The following KRTAP10-7 variants were observed in gnomAD, a reference collection of about 807,000 sequenced individuals.
KRTAP10-7 encodes the protein keratin associated protein 10-7, also known as keratin-associated protein 10-7.
For synonymous variants in KRTAP10-7, 162 were observed against 199.6 expected (o/e 0.81, Z 1.59); for missense variants, 394 against 474.3 (o/e 0.83, Z 1.57).
chr21:44,600,734 C>G lies in KRTAP10-7; in HGVS notation c.113C>G (p.Pro38Arg). Residue 38 changes from proline to arginine, a missense_variant, in exon 1 of 1, where the codon CCA (proline) becomes CGA (arginine). Transcript: ENST00000609664. Reference sequence around the variant, plus strand: ...GACTCCTGGCAGGTGGACGACTGCCCAGAGAGCTGCTGCGAGCCCCCCTGC... The same window carrying G: ...GACTCCTGGCAGGTGGACGACTGCCGAGAGAGCTGCTGCGAGCCCCCCTGC... The part of the protein sequence containing the change: ...CSDSWQVDDC[P>R]ESCCEPPCCA... 2 of 1,611,842 alleles carry G rather than the reference C, an allele frequency of 1.2e-6. No individual in the cohort carries two copies. Among genetic ancestry groups the G allele is most frequent in the African/African-American group, 1.4e-5 (1 of 73,510 alleles).
rs1270588448 is a variant in KRTAP10-7, at chr21:44,601,833, C to G, written c.*99C>G. The G allele has an allele frequency of 2.8e-5, 42 of 1,476,130 alleles. No homozygotes were observed. The highest frequency in any genetic ancestry group is 3.8e-5 in the Non-Finnish European group (42 of 1,100,748). 91.4% of individuals were successfully genotyped at this position (1,476,130 alleles called of 1,614,324 possible). A position where few individuals can be genotyped will look rare whatever the true frequency, so the allele number is the denominator to read the frequency against. ...GCTCTCCACATCCCGCTCCTAAGCC[C>G]TGCAGTGGACGTCAGTGGTCAGCTG... On this transcript the variant is annotated 3_prime_UTR_variant, in exon 1 of 1. Coordinates refer to ENST00000609664, the MANE Select transcript of KRTAP10-7 (RefSeq NM_198689.3).
rs1980929362 is a variant in KRTAP10-7 at position 44,601,652 on chromosome 21, C to T, written c.1031C>T (p.Ser344Phe). ...SCQASCCRPA[S>F]CVSLLCRPAC... Reference sequence around the variant, plus strand: ...CAGGCCAGCTGCTGCCGCCCAGCCTCCTGTGTGTCTCTCCTTTGCCGCCCC... The same window carrying T: ...CAGGCCAGCTGCTGCCGCCCAGCCTTCTGTGTGTCTCTCCTTTGCCGCCCC... The change falls in exon 1 of 1, where the codon TCC becomes TTC. Residue 344 changes from serine (S) to phenylalanine (F), a missense_variant. Physicochemically the swap from Ser to Phe is radical, Grantham distance 155. Coordinates refer to ENST00000609664, the MANE Select transcript of KRTAP10-7 (RefSeq NM_198689.3). The T allele has an allele frequency of 6.2e-7, 1 of 1,613,354 alleles. No individual in the cohort carries two copies. Among genetic ancestry groups the T allele is most frequent in the African/African-American group, 1.3e-5 (1 of 74,876 alleles).
At position 44,600,638 on chromosome 21, in the gene KRTAP10-7, T is replaced by G; in HGVS notation, c.17T>G (p.Met6Arg). 3.1e-6 allele frequency: 5 copies of G among 1,613,576 alleles called. No individual in the cohort carries two copies. Among genetic ancestry groups the G allele is most frequent in the Non-Finnish European group, 4.2e-6 (5 of 1,179,756 alleles). Residue 6 changes from methionine (M) to arginine (R), a missense_variant, in exon 1 of 1, where the codon ATG (methionine) becomes AGG (arginine). Coordinates refer to ENST00000609664, the MANE Select transcript of KRTAP10-7 (RefSeq NM_198689.3). MAAST[M>R]SVCSSDLSYG... ...ATCCCCAGCATGGCTGCGTCCACTA[T>G]GTCTGTCTGCTCCAGCGACCTGAGC... is the stretch of plus-strand genomic sequence containing the variant.
Position 44,601,608 on chromosome 21 carries a change from C to G in KRTAP10-7, c.987C>G (p.Cys329Trp). ...PACCVPVPSC[C>W]APTSSCQASC... ...GCTGCGTGCCCGTCCCCTCCTGCTG[C>G]GCCCCCACCTCCTCCTGCCAGGCCA... The change falls in exon 1 of 1, where the codon TGC becomes TGG. Residue 329 changes from cysteine (C) to tryptophan (W), a missense_variant. Coordinates refer to ENST00000609664, the MANE Select transcript of KRTAP10-7 (RefSeq NM_198689.3). 1.9e-6 allele frequency: 3 copies of G among 1,613,532 alleles called. No homozygotes were observed. The highest frequency in any genetic ancestry group is 2.5e-6 in the Non-Finnish European group (3 of 1,179,728).
At position 44,601,635 on chromosome 21, in the gene KRTAP10-7, C is replaced by G. The variant is rs782333684; in HGVS notation, c.1014C>G (p.Ser338Arg). The G allele has an allele frequency of 6.2e-7, 1 of 1,613,622 alleles. No homozygotes were observed. Among genetic ancestry groups the G allele is most frequent in the Non-Finnish European group, 8.5e-7 (1 of 1,179,732 alleles). The change falls in exon 1 of 1, where the codon AGC becomes AGG. Residue 338 changes from serine (S) to arginine (R), a missense_variant. Coordinates refer to ENST00000609664, the MANE Select transcript of KRTAP10-7 (RefSeq NM_198689.3). ...CCCCCACCTCCTCCTGCCAGGCCAG[C>G]TGCTGCCGCCCAGCCTCCTGTGTGT... ...CCAPTSSCQASCCRPASCVSL... is the reference protein window; with the variant it reads ...CCAPTSSCQARCCRPASCVSL...
Position 44,601,167 on chromosome 21 carries a change from G to A in KRTAP10-7, c.546G>A (p.Val182=), listed in dbSNP as rs1555928633. ...AGCAGTCTAGCTGTGTGAGCTGTGT[G>A]TCCAGTCCCTGCTGCCAGGCGGTCT... ...CCQQSSCVSC[V]SSPCCQAVCE... is the part of the protein sequence containing the mutation. Residue 182 remains valine, a synonymous_variant, in exon 1 of 1, where the codon GTG becomes GTA. Transcript: ENST00000609664. The A allele has an allele frequency of 6.3e-7, 1 of 1,599,416 alleles. No homozygotes were observed. The highest frequency in any genetic ancestry group is 1.1e-5 in the South Asian group (1 of 90,192).
In KRTAP10-7 at chr21:44,600,667, G is replaced by A. The variant is rs200384147; in HGVS notation, c.46G>A (p.Gly16Ser). Reference protein sequence around the residue: ...MSVCSSDLSYGSRVCLPGSCD... With the variant: ...MSVCSSDLSYSSRVCLPGSCD... ...TGTCTGCTCCAGCGACCTGAGCTACGGCAGCCGCGTCTGCCTTCCTGGTTC... is the reference window on the plus strand; with the variant it reads ...TGTCTGCTCCAGCGACCTGAGCTACAGCAGCCGCGTCTGCCTTCCTGGTTC... Residue 16 changes from glycine to serine, a missense_variant, in exon 1 of 1, where the codon GGC becomes AGC. Physicochemically the swap from Gly to Ser is moderately conservative, Grantham distance 56 (BLOSUM62 0). Coordinates refer to ENST00000609664, the MANE Select transcript of KRTAP10-7 (RefSeq NM_198689.3). 4.4e-3 allele frequency: 7,110 copies of A among 1,612,514 alleles called. 123 individuals carry two copies. Among genetic ancestry groups the A allele is most frequent in the South Asian group, 0.04 (3,643 of 90,776 alleles).
Position 44,601,745 on chromosome 21 carries a change from T to G in KRTAP10-7, c.*11T>G. The G allele has an allele frequency of 1.2e-6, 2 of 1,602,698 alleles. No individual in the cohort carries two copies. Among genetic ancestry groups the G allele is most frequent in the Non-Finnish European group, 1.7e-6 (2 of 1,173,174 alleles). On this transcript the variant is annotated 3_prime_UTR_variant, in exon 1 of 1. Coordinates refer to ENST00000609664, the MANE Select transcript of KRTAP10-7 (RefSeq NM_198689.3). ...AAGTCCAGCTGCTGAGTGATCTCCT[T>G]AAGATCATCCAAAGCCTGAGTGCTC...
Position 44,601,540 on chromosome 21 carries a change from T to C in KRTAP10-7, c.919T>C (p.Ser307Pro), listed in dbSNP as rs1980906701. 6.2e-7 allele frequency: 1 copy of C among 1,613,888 alleles called. No homozygotes were observed. Among genetic ancestry groups the C allele is most frequent in the Non-Finnish European group, 8.5e-7 (1 of 1,179,908 alleles). ...CCTTSCCRPSSSVSLLCRPVC... is the reference protein window; with the variant it reads ...CCTTSCCRPSPSVSLLCRPVC... ...CACCACCTCCTGCTGCAGACCCTCC[T>C]CCTCCGTGTCCCTCCTCTGCCGCCC... Residue 307 changes from serine (S) to proline (P), a missense_variant, in exon 1 of 1, where the codon TCC becomes CCC. By Grantham distance (74) the Ser-to-Pro change is moderately conservative (BLOSUM62 -1). Transcript: ENST00000609664.
chr21:44,601,723 T>A lies in KRTAP10-7; in HGVS notation c.1102T>A (p.Ser368Thr). The change falls in exon 1 of 1, where the codon TCC becomes ACC. Residue 368 changes from serine to threonine, a missense_variant. Ser to Thr is a moderately conservative substitution (Grantham distance 58). Transcript: ENST00000609664. ...ACCGPTSTQK[S>T]SC is the part of the protein sequence containing the mutation. ...CTGTGGCCCCACCTCAACCCAGAAGTCCAGCTGCTGAGTGATCTCCTTAAG... is the reference window on the plus strand; with the variant it reads ...CTGTGGCCCCACCTCAACCCAGAAGACCAGCTGCTGAGTGATCTCCTTAAG... The A allele has an allele frequency of 6.2e-7, 1 of 1,610,656 alleles. No individual in the cohort carries two copies. The highest frequency in any genetic ancestry group is 8.5e-7 in the Non-Finnish European group (1 of 1,177,934).
chr21:44,601,740 C>A lies in KRTAP10-7; in HGVS notation c.*6C>A, dbSNP rs782298389. On this transcript the variant is annotated 3_prime_UTR_variant, in exon 1 of 1. Transcript: ENST00000609664. ...CCCAGAAGTCCAGCTGCTGAGTGAT[C>A]TCCTTAAGATCATCCAAAGCCTGAG... 6.2e-7 allele frequency: 1 copy of A among 1,607,702 alleles called. No individual in the cohort carries two copies. Among genetic ancestry groups the A allele is most frequent in the East Asian group, 2.2e-5 (1 of 44,816 alleles).
rs782233404 is a variant in KRTAP10-7 at position 44,600,753 on chromosome 21, C to A, written c.132C>A (p.Pro44=). 2 of 1,608,780 alleles carry A rather than the reference C, an allele frequency of 1.2e-6. No homozygotes were observed. Among genetic ancestry groups the A allele is most frequent in the African/African-American group, 1.4e-5 (1 of 72,094 alleles). ...ACTGCCCAGAGAGCTGCTGCGAGCC[C>A]CCCTGCTGCGCCCCGGCCCCCTGCC... is the stretch of plus-strand genomic sequence containing the variant. ...VDDCPESCCE[P]PCCAPAPCLS... The change falls in exon 1 of 1, where the codon CCC becomes CCA. Residue 44 remains proline, a synonymous_variant. Transcript: ENST00000609664.
rs1299761236 is a variant in KRTAP10-7 at position 44,600,633 on chromosome 21, C to T, written c.12C>T (p.Ser4=). The T allele has an allele frequency of 3.7e-6, 6 of 1,613,234 alleles. No individual in the cohort carries two copies. The highest frequency in any genetic ancestry group is 1.7e-5 in the Admixed American group (1 of 59,962). The change falls in exon 1 of 1, where the codon TCC becomes TCT. Residue 4 remains serine (S), a synonymous_variant. Coordinates refer to ENST00000609664, the MANE Select transcript of KRTAP10-7 (RefSeq NM_198689.3). Reference sequence around the variant, plus strand: ...GTTCAATCCCCAGCATGGCTGCGTCCACTATGTCTGTCTGCTCCAGCGACC... The same window carrying T: ...GTTCAATCCCCAGCATGGCTGCGTCTACTATGTCTGTCTGCTCCAGCGACC... The part of the protein sequence containing the change: MAA[S]TMSVCSSDLS...
rs782344628 is a variant in KRTAP10-7 at position 44,601,051 on chromosome 21, G to C, written c.430G>C (p.Ala144Pro). 3 of 1,612,054 alleles carry C rather than the reference G, an allele frequency of 1.9e-6. No homozygotes were observed. Among genetic ancestry groups the C allele is most frequent in the Admixed American group, 1.7e-5 (1 of 59,776 alleles). ...SCCQQSSCQS[A>P]CCTSSPCQQA... is the part of the protein sequence containing the mutation. ...CTGCCAGCAGTCTAGCTGCCAGTCAGCTTGCTGCACCTCCTCCCCCTGCCA... is the reference window on the plus strand; with the variant it reads ...CTGCCAGCAGTCTAGCTGCCAGTCACCTTGCTGCACCTCCTCCCCCTGCCA... Residue 144 changes from alanine to proline, a missense_variant, in exon 1 of 1, where the codon GCT (alanine) becomes CCT (proline). Coordinates refer to ENST00000609664, the MANE Select transcript of KRTAP10-7 (RefSeq NM_198689.3).
At position 44,601,564 on chromosome 21, in the gene KRTAP10-7, C is replaced by T. The variant is rs202102379; in HGVS notation, c.943C>T (p.Pro315Ser). Residue 315 changes from proline (P) to serine (S), a missense_variant, in exon 1 of 1, where the codon CCC becomes TCC. Transcript: ENST00000609664. The part of the protein sequence containing the change: ...PSSSVSLLCR[P>S]VCRPACCVPV... The stretch of plus-strand genomic sequence containing the variant: ...CTCCTCCGTGTCCCTCCTCTGCCGC[C>T]CCGTGTGCAGGCCCGCCTGCTGCGT... 635 of 1,613,546 alleles carry T rather than the reference C, an allele frequency of 3.9e-4. 3 individuals are homozygous for T. The African/African-American group carries it at 6.7e-3, about 17-fold the overall frequency.
At position 44,600,931 on chromosome 21, in the gene KRTAP10-7, C is replaced by T. The variant is rs1555928498; in HGVS notation, c.310C>T (p.Pro104Ser). ...SCQLACCASS[P>S]CQQACCVPVC... ...CCAGCTGGCTTGCTGTGCCTCCTCC[C>T]CCTGCCAGCAGGCCTGCTGCGTGCC... The change falls in exon 1 of 1, where the codon CCC becomes TCC. Residue 104 changes from proline to serine, a missense_variant. Physicochemically the swap from Pro to Ser is moderately conservative, Grantham distance 74. Transcript: ENST00000609664. 8.1e-6 allele frequency: 13 copies of T among 1,612,008 alleles called. No individual in the cohort carries two copies. Among genetic ancestry groups the T allele is most frequent in the African/African-American group, 2.7e-5 (2 of 73,906 alleles).
At position 44,601,886 on chromosome 21, in the gene KRTAP10-7, G is replaced by A. The variant is rs1555928949; in HGVS notation, c.*152G>A. The A allele has an allele frequency of 9.2e-7, 1 of 1,083,550 alleles. No homozygotes were observed. The highest frequency in any genetic ancestry group is 2.6e-5 in the East Asian group (1 of 38,412). 67.1% of individuals were successfully genotyped at this position (1,083,550 alleles called of 1,614,324 possible). A position where few individuals can be genotyped will look rare whatever the true frequency, so the allele number is the denominator to read the frequency against. On this transcript the variant is annotated 3_prime_UTR_variant, in exon 1 of 1. Coordinates refer to ENST00000609664, the MANE Select transcript of KRTAP10-7 (RefSeq NM_198689.3). Reference sequence around the variant, plus strand: ...CATCCAGTGTGCGCTTCTCCTCCTAGAAGCAGCTCAGCTGTTTCTCCAAGT... The same window carrying A: ...CATCCAGTGTGCGCTTCTCCTCCTAAAAGCAGCTCAGCTGTTTCTCCAAGT...
rs1980977539 is a variant in KRTAP10-7 at position 44,602,090 on chromosome 21, GCTGTGGGCCTGGGC to G, written c.*359_*372del. ...CAGTGGCGAGCCCTGCTCCTCCCCT[GCTGTGGGCCTGGGC>G]CTCTTTCTCTGTCTTCCCTGACCAC... On this transcript the variant is annotated 3_prime_UTR_variant, in exon 1 of 1. Coordinates refer to ENST00000609664, the MANE Select transcript of KRTAP10-7 (RefSeq NM_198689.3). 2.5e-6 allele frequency: 1 copy of G among 393,104 alleles called. No homozygotes were observed. Among genetic ancestry groups the G allele is most frequent in the East Asian group, 4.8e-5 (1 of 20,660 alleles). 24.4% of individuals were successfully genotyped at this position (393,104 alleles called of 1,614,324 possible).
chr21:44,600,882 C>A lies in KRTAP10-7; in HGVS notation c.261C>A (p.Pro87=). ...CAGGCTGCACCAGCTCCTGCACGCC[C>A]TCGTGCTGCCAGCAGTCTAGCTGCC... The part of the protein sequence containing the change: ...CQSGCTSSCT[P]SCCQQSSCQL... The change falls in exon 1 of 1, where the codon CCC becomes CCA. Residue 87 remains proline (P), a synonymous_variant. Transcript: ENST00000609664. 6.2e-7 allele frequency: 1 copy of A among 1,611,362 alleles called. No homozygotes were observed. Among genetic ancestry groups the A allele is most frequent in the Non-Finnish European group, 8.5e-7 (1 of 1,179,886 alleles).
Sources: gnomAD v4.1 joint callset for allele counts on GRCh38, gnomAD v4.1.1 for gene constraint, MANE v1.5 for transcripts, NCBI Gene and HGNC (gene_info 2026-07-23, HGNC 2026-07-21) for gene names.